Variants in AGAP1 observed in about 807,000 individuals in gnomAD.
AGAP1 encodes the protein arf-GAP with GTPase, ANK repeat and PH domain-containing protein 1.
Under a neutral mutation model 105.3 loss-of-function variants are expected in AGAP1, and 29 were observed. The observed-to-expected ratio is 0.28, with a 90% CI of 0.21 to 0.38. AGAP1 has a LOEUF of 0.38. Ranked by LOEUF, AGAP1 falls within the 10% of genes least tolerant of loss-of-function variation. The pLI is 1.00. For missense variants in AGAP1, 998 were observed against 1,165.1 expected, an observed-to-expected ratio of 0.86 and a Z score of 2.09; for synonymous variants, 509 against 485.9, an observed-to-expected ratio of 1.05 and a Z score of -0.63.
rs1948053997 is a variant in AGAP1, at chr2:235,664,205, G to GT, written c.164-44971dup. On this transcript the variant is annotated intron_variant, in intron 1 of 17. Coordinates refer to ENST00000304032, the MANE Select transcript of AGAP1 (RefSeq NM_001037131.3). This position sits in a 1 kb window ranked among gnomAD's most constrained non-coding sequence, Gnocchi z 5.7. ...TTAATAGATTGGATTTTAATATATA[G>GT]TTTGTTTTTTTGTTTTTTTTTTCGA... 2.0e-5 allele frequency among the ~76,000 whole-genome samples: 3 copies of GT among 151,656 alleles called. No homozygotes were observed. The highest frequency in any genetic ancestry group is 7.3e-5 in the African/African-American group (3 of 41,180).
At position 235,830,678 on chromosome 2, in the gene AGAP1, C is replaced by G. The variant is rs1174692578; in HGVS notation, c.1050+23347C>G. On this transcript the variant is annotated intron_variant, in intron 9 of 17. Coordinates refer to ENST00000304032, the MANE Select transcript of AGAP1 (RefSeq NM_001037131.3). The surrounding 1 kb of genome is among the most constrained non-coding windows in gnomAD (Gnocchi z 5.5). Reference sequence around the variant, plus strand: ...GCACCTTGAGGTTTCTAGGCCAGCCCAGGACGGTGTGCGGCCCCAAGCCAC... The same window carrying G: ...GCACCTTGAGGTTTCTAGGCCAGCCGAGGACGGTGTGCGGCCCCAAGCCAC... Among the ~76,000 whole-genome samples the G allele has an allele frequency of 2.0e-5, 3 of 152,134 alleles. No individual in the cohort carries two copies. The highest frequency in any genetic ancestry group is 4.4e-5 in the Non-Finnish European group (3 of 68,024).
rs1049034278 is a variant in AGAP1 at position 236,036,308 on chromosome 2, G to A, written c.1646-253G>A. Among the ~76,000 whole-genome samples the A allele has an allele frequency of 2.6e-5, 4 of 152,298 alleles. No individual in the cohort carries two copies. The highest frequency in any genetic ancestry group is 2.1e-4 in the South Asian group (1 of 4,820). On this transcript the variant is annotated intron_variant, in intron 13 of 17. Transcript: ENST00000304032. This position sits in a 1 kb window ranked among gnomAD's most constrained non-coding sequence, Gnocchi z 5.7. The stretch of plus-strand genomic sequence containing the variant: ...CCACACAGAGACGCTGACATCACTC[G>A]TTGATTTCATCTGGCCTTGTGCCCT...
chr2:235,609,595 T>C lies in AGAP1; in HGVS notation c.164-99584T>C, dbSNP rs1312390413. ...TCCTCACTTTGACCCCGGACCTGCA[T>C]GCGCGCTGAGGATGGCAGAGGGGCT... On this transcript the variant is annotated intron_variant, in intron 1 of 17. Transcript: ENST00000304032. The surrounding 1 kb of genome is among the most constrained non-coding windows in gnomAD (Gnocchi z 5.1). Among the ~76,000 whole-genome samples the C allele has an allele frequency of 1.3e-5, 2 of 152,118 alleles. No individual in the cohort carries two copies. Among genetic ancestry groups the C allele is most frequent in the Non-Finnish European group, 2.9e-5 (2 of 68,026 alleles).
At chr2:235,672,161 C>T (rs1948470460) in intron 1 of AGAP1, among the ~76,000 whole-genome samples, 1 of 152,180 alleles carries the variant, frequency 6.6e-6, no homozygotes, top group South Asian at 2.1e-4. Flanking sequence ...CTGTGTAACC[C>T]ACCTCTGGAG....
chr2:236,127,052 C>G lies in AGAP1; in HGVS notation c.*2930C>G, dbSNP rs2060014817. The G allele has an allele frequency of 6.6e-6, 1 of 152,332 alleles. No individual in the cohort carries two copies. The highest frequency in any genetic ancestry group is 2.4e-5 in the African/African-American group (1 of 41,458). The allele number at this position is 152,332 out of a possible 1,614,324, so 9.4% of individuals were successfully genotyped here. On this transcript the variant is annotated 3_prime_UTR_variant, in exon 18 of 18. Coordinates refer to ENST00000304032, the MANE Select transcript of AGAP1 (RefSeq NM_001037131.3). The surrounding 1 kb of genome is among the most constrained non-coding windows in gnomAD (Gnocchi z 6.6). ...ACCTTTCCTGTTCAGAATTAAAACTCTCCCTTGATGAGAAACAGCCAGCTG... is the reference window on the plus strand; with the variant it reads ...ACCTTTCCTGTTCAGAATTAAAACTGTCCCTTGATGAGAAACAGCCAGCTG...
chr2:235,834,701 T>C (rs1026741960), intron 9 of AGAP1, among the ~76,000 whole-genome samples: 1 of 152,124 alleles, frequency 6.6e-6, no homozygotes, highest in African/African-American at 2.4e-5. Context: ...CGTGAGAGGA[T>C]AGGAAAATGC....
Position 236,049,157 on chromosome 2 carries a change from C to T in AGAP1, c.1990C>T (p.Leu664=), listed in dbSNP as rs1283515967. The change falls in exon 16 of 18, where the codon CTG becomes TTG. Residue 664 remains leucine, a synonymous_variant. Transcript: ENST00000304032. ...CACCCACCTTTCCCGAGTCCGATCT[C>T]TGGACCTGGATGACTGGCCAGTCGA... ...LGTHLSRVRS[L]DLDDWPVELI... is the part of the protein sequence containing the mutation. The T allele has an allele frequency of 6.2e-7, 1 of 1,614,228 alleles. No homozygotes were observed. The highest frequency in any genetic ancestry group is 1.7e-5 in the Admixed American group (1 of 60,026).
intron 13 of AGAP1, among the ~76,000 whole-genome samples, chr2:236,024,050 G>A (rs1452939506): frequency 1.8e-5 from 1 of 56,412 alleles, no homozygotes; most frequent in Non-Finnish European, 3.9e-5. Flanking sequence ...TTTTTTTTTT[G>A]GAGACAGTCT....
Position 235,517,546 on chromosome 2 carries a change from T to C in AGAP1, c.163+22697T>C, listed in dbSNP as rs1942439792. Among the ~76,000 whole-genome samples the C allele has an allele frequency of 6.6e-6, 1 of 152,216 alleles. No homozygotes were observed. The highest frequency in any genetic ancestry group is 1.5e-5 in the Non-Finnish European group (1 of 68,034). ...GTAGCAGCCATGAGGCAGGAGATCC[T>C]CTTTACTTTGTAAAAAAATGTAAAA... is the stretch of plus-strand genomic sequence containing the variant. On this transcript the variant is annotated intron_variant, in intron 1 of 17. Transcript: ENST00000304032. The surrounding 1 kb of genome is among the most constrained non-coding windows in gnomAD (Gnocchi z 4.1).
Position 236,126,352 on chromosome 2 carries a change from C to T in AGAP1, c.*2230C>T, listed in dbSNP as rs1309776222. 6.6e-6 allele frequency: 1 copy of T among 152,218 alleles called. No homozygotes were observed. The highest frequency in any genetic ancestry group is 2.4e-5 in the African/African-American group (1 of 41,454). 9.4% of individuals were successfully genotyped at this position (152,218 alleles called of 1,614,324 possible). Reference sequence around the variant, plus strand: ...AGACACACTCGCTCCACACAGCCTTCACCGTAGACTCTGTAGTGGACACAG... The same window carrying T: ...AGACACACTCGCTCCACACAGCCTTTACCGTAGACTCTGTAGTGGACACAG... On this transcript the variant is annotated 3_prime_UTR_variant, in exon 18 of 18. Coordinates refer to ENST00000304032, the MANE Select transcript of AGAP1 (RefSeq NM_001037131.3).
chr2:235,864,732 A>C lies in AGAP1; in HGVS notation c.1051-18613A>C, dbSNP rs1433977331. On this transcript the variant is annotated intron_variant, in intron 9 of 17. Coordinates refer to ENST00000304032, the MANE Select transcript of AGAP1 (RefSeq NM_001037131.3). The surrounding 1 kb of genome is among the most constrained non-coding windows in gnomAD (Gnocchi z 5.0). ...GGGGATCTGTCAGTCCTGGTGGGAA[A>C]AAAAAACATTTTGTTTTTCTTAGTT... Among the ~76,000 whole-genome samples the C allele has an allele frequency of 6.6e-6, 1 of 152,182 alleles. No individual in the cohort carries two copies.
chr2:235,987,844 CT>C (rs1456514358), intron 13 of AGAP1, among the ~76,000 whole-genome samples: 13 of 152,158 alleles, frequency 8.5e-5, no homozygotes, highest in Admixed American at 8.5e-4. Flanking sequence ...TTACATCATT[CT>C]GTGACTTCAC....
At chr2:235,950,266 G>A (rs1478567235) in intron 12 of AGAP1, among the ~76,000 whole-genome samples, 1 of 152,176 alleles carries the variant, frequency 6.6e-6, no homozygotes, top group African/African-American at 2.4e-5. Context: ...GGTGACTCCG[G>A]GTTTCCCTAG....
Position 235,724,860 on chromosome 2 carries a change from G to C in AGAP1, c.310+7216G>C, listed in dbSNP as rs1052995048. Among the ~76,000 whole-genome samples, 11 of 152,140 alleles carry C rather than the reference G, an allele frequency of 7.2e-5. No homozygotes were observed. The highest frequency in any genetic ancestry group is 7.2e-4 in the Admixed American group (11 of 15,280). ...GCCTGGGAAGCAGGAAAGTACACCA[G>C]ACCCACCTCATTTCTTACATCTCTC... is the stretch of plus-strand genomic sequence containing the variant. On this transcript the variant is annotated intron_variant, in intron 3 of 17. Coordinates refer to ENST00000304032, the MANE Select transcript of AGAP1 (RefSeq NM_001037131.3). This position sits in a 1 kb window ranked among gnomAD's most constrained non-coding sequence, Gnocchi z 4.9.
Position 235,605,475 on chromosome 2 carries a change from C to G in AGAP1, c.164-103704C>G, listed in dbSNP as rs914278910. On this transcript the variant is annotated intron_variant, in intron 1 of 17. Transcript: ENST00000304032. Reference sequence around the variant, plus strand: ...GACGACGCCGGCCCTTCCGGCTTGTCGTGCAGCACGGCATTATCTGGTACC... The same window carrying G: ...GACGACGCCGGCCCTTCCGGCTTGTGGTGCAGCACGGCATTATCTGGTACC... Among the ~76,000 whole-genome samples the G allele has an allele frequency of 3.3e-5, 5 of 152,354 alleles. No homozygotes were observed. In the East Asian group the frequency reaches 5.8e-4, roughly 18 times the overall value.
chr2:235,602,686 A>G (rs1251233816), intron 1 of AGAP1, among the ~76,000 whole-genome samples: 6 of 150,182 alleles, frequency 4.0e-5, no homozygotes, highest in Admixed American at 4.0e-4. Flanking sequence ...CTTAGCAGTT[A>G]TCCGCATCAG....
chr2:235,807,312 G>A lies in AGAP1; in HGVS notation c.1031G>A (p.Arg344Gln), dbSNP rs1175014259. Residue 344 changes from arginine to glutamine, a missense_variant, in exon 9 of 18, where the codon CGA becomes CAA. Transcript: ENST00000304032. ...ESRADSIGSGRAIPIKQGMLL... is the reference protein window; with the variant it reads ...ESRADSIGSGQAIPIKQGMLL... ...CGTGCGGACAGCATTGGGAGCGGCC[G>A]AGCCATCCCAATTAAACAGGTGAGC... is the stretch of plus-strand genomic sequence containing the variant. 1.9e-6 allele frequency: 3 copies of A among 1,598,634 alleles called. No individual in the cohort carries two copies. Among genetic ancestry groups the A allele is most frequent in the East Asian group, 2.3e-5 (1 of 44,006 alleles).
chr2:235,589,485 G>A (rs2149208190), intron 1 of AGAP1, among the ~76,000 whole-genome samples: 1 of 152,198 alleles, frequency 6.6e-6, no homozygotes, highest in East Asian at 1.9e-4. Context: ...GGGATTACAG[G>A]CATGAGCCAC....
chr2:236,004,296 T>G (rs1005468367), intron 13 of AGAP1, among the ~76,000 whole-genome samples: 1 of 152,140 alleles, frequency 6.6e-6, no homozygotes, highest in Non-Finnish European at 1.5e-5. Flanking sequence ...AGTTTCCAGC[T>G]TTACCGAACT....
Sources: gnomAD v4.1 joint callset for allele counts (sites outside exome capture counted in the v4.1 genomes callset) on GRCh38, gnomAD v4.1.1 for gene constraint, Gnocchi (gnomAD v3.1) non-coding constraint, MANE v1.5 for transcripts, NCBI Gene and HGNC (gene_info 2026-07-23, HGNC 2026-07-21) for gene names.